The following MUC22 variants were observed in gnomAD, a reference collection of about 807,000 sequenced individuals.
MUC22 encodes mucin 22, also known as mucin-22.
MUC22 carries 24 observed loss-of-function variants against 40.3 expected under a neutral mutation model. The observed-to-expected ratio is 0.60, with a 90% CI of 0.43 to 0.84. The LOEUF is 0.84. MUC22 is among the 40% of genes least tolerant of loss of function. The pLI, the probability that MUC22 is intolerant of heterozygous loss-of-function variation, is 0.00. For synonymous variants in MUC22, 765 were observed against 844.5 expected, an observed-to-expected ratio of 0.91 and a Z score of 1.63; for missense variants, 1,926 against 2,130.7, an observed-to-expected ratio of 0.90 and a Z score of 1.89.
chr6:31,032,648 G>C lies in MUC22; in HGVS notation c.5055+67G>C. 6.9e-7 allele frequency: 1 copy of C among 1,457,926 alleles called. No individual in the cohort carries two copies. The highest frequency in any genetic ancestry group is 9.1e-7 in the Non-Finnish European group (1 of 1,103,988). 90.3% of individuals were successfully genotyped at this position (1,457,926 alleles called of 1,614,324 possible). A position where few individuals can be genotyped will look rare whatever the true frequency, so the allele number is the denominator to read the frequency against. ...GGCAGGGGGGAATCATGTCAGCAGT[G>C]CTTTGGAAAAATCCAGAATGAGAAA... On this transcript the variant is annotated intron_variant, in intron 3 of 3. Transcript: ENST00000561890. The surrounding 1 kb of genome is among the most constrained non-coding windows in gnomAD (Gnocchi z 4.1).
intron 2 of MUC22, 75 bp downstream of exon 2, chr6:31,030,175 T>G: frequency 7.1e-7 from 1 of 1,410,154 alleles, no homozygotes; most frequent in South Asian, 1.5e-5. Flanking sequence ...CACCTGTTTC[T>G]ATCATCTCTG....
intron 1 of MUC22, among the ~76,000 whole-genome samples, chr6:31,012,731 G>A (rs997754846): frequency 1.3e-5 from 2 of 152,100 alleles, no homozygotes; most frequent in Non-Finnish European, 2.9e-5. Flanking sequence ...AGTGTCTCCT[G>A]TAGCCCCATT....
intron 1 of MUC22, among the ~76,000 whole-genome samples, chr6:31,014,339 T>G (rs1015391056): frequency 6.6e-6 from 1 of 151,900 alleles, no homozygotes; most frequent in Non-Finnish European, 1.5e-5. Flanking sequence ...AGTTTCACTT[T>G]TTTCCCTTGA....
chr6:31,028,711 ACC>A lies in MUC22; in HGVS notation c.3281_3282del (p.Thr1094AsnfsTer7), dbSNP rs566486755. On this transcript the variant is annotated frameshift_variant, in exon 2 of 4. Coordinates refer to ENST00000561890, the Ensembl canonical transcript of MUC22. LOFTEE classifies it high-confidence loss of function. Reference sequence around the variant, plus strand: ...CCCAGCCTCTACAGCAGGCTCTGAGACCACCACCACCACCTCTACTGAAGGCT... The same window carrying A: ...CCCAGCCTCTACAGCAGGCTCTGAGAACCACCACCACCTCTACTGAAGGCT... The A allele has an allele frequency of 2.9e-4, 403 of 1,405,586 alleles. 32 individuals are homozygous for A. In the East Asian group the frequency reaches 0.016, roughly 57 times the overall value. 87.1% of individuals were successfully genotyped at this position (1,405,586 alleles called of 1,614,324 possible). A position where few individuals can be genotyped will look rare whatever the true frequency, so the allele number is the denominator to read the frequency against.
intron 1 of MUC22, among the ~76,000 whole-genome samples, chr6:31,015,167 T>C (rs1466386906): frequency 6.6e-6 from 1 of 152,142 alleles, no homozygotes; most frequent in Non-Finnish European, 1.5e-5. Flanking sequence ...TCCTGGAGTA[T>C]ATGGGCCAGA....
At chr6:31,034,605 C>A in intron 3 of MUC22, 67 bp from the exon 4 acceptor site, 1 of 1,319,540 alleles carries the variant, frequency 7.6e-7, no homozygotes, top group Non-Finnish European at 1.0e-6. Flanking sequence ...GTGAAACAGG[C>A]ATGTATGGTG....
chr6:31,025,111 C>T (rs368222119), intron 1 of MUC22, among the ~76,000 whole-genome samples: 21,774 of 151,604 alleles, frequency 0.14, 1,717 homozygotes, highest in African/African-American at 0.19. Context: ...TCAGGTGATC[C>T]GCCTGGGATT....
At chr6:31,021,091 G>C (rs114226278) in intron 1 of MUC22, among the ~76,000 whole-genome samples, 1,772 of 152,372 alleles carry the variant, frequency 0.012, 32 homozygotes, top group African/African-American at 0.038. Flanking sequence ...GACCGCCCAC[G>C]GGCTGAGGAC....
intron 1 of MUC22, among the ~76,000 whole-genome samples, chr6:31,022,378 G>A (rs1382071896): frequency 6.6e-6 from 1 of 151,982 alleles, no homozygotes; most frequent in African/African-American, 2.4e-5. Context: ...TGGTTAGGCT[G>A]GTATCGAACT....
At chr6:31,025,858 A>T (rs78457009) in exon 2 of MUC22, 5 of 1,535,100 alleles carry the variant, frequency 3.3e-6, no homozygotes, top group Non-Finnish European at 4.4e-6. Flanking sequence ...AACCTTTACT[A>T]TAGCCTCCAC....
Position 31,026,692 on chromosome 6 carries a change from A to G in MUC22, c.1261A>G (p.Thr421Ala), listed in dbSNP as rs906676994. ...AGATTCTGAGACCACTGCAGCCTCT[A>G]CCACAGGCTCTGAGATGACCACAGT... Residue 421 changes from threonine to alanine, a missense_variant, in exon 2 of 4, where the codon ACC (threonine) becomes GCC (alanine). Transcript: ENST00000561890. The G allele has an allele frequency of 6.0e-5, 90 of 1,505,396 alleles. 7 individuals carry two copies. In the African/African-American group the frequency reaches 9.9e-4, roughly 17 times the overall value. 93.3% of individuals were successfully genotyped at this position (1,505,396 alleles called of 1,614,324 possible). A position where few individuals can be genotyped will look rare whatever the true frequency, so the allele number is the denominator to read the frequency against.
At chr6:31,029,715 C>A (rs2150804466) in exon 2 of MUC22, 1 of 1,534,094 alleles carries the variant, frequency 6.5e-7, no homozygotes. Flanking sequence ...CCACCACCAC[C>A]TCTACTGAAG....
chr6:31,027,319 A>ACCACTGT lies in MUC22; in HGVS notation c.1889_1890insCACTGTC (p.Glu631ThrfsTer3). 6.5e-7 allele frequency: 1 copy of ACCACTGT among 1,530,758 alleles called. No homozygotes were observed. Among genetic ancestry groups the ACCACTGT allele is most frequent in the Non-Finnish European group, 8.7e-7 (1 of 1,146,124 alleles). 94.8% of individuals were successfully genotyped at this position (1,530,758 alleles called of 1,614,324 possible). A position where few individuals can be genotyped will look rare whatever the true frequency, so the allele number is the denominator to read the frequency against. On this transcript the variant is annotated frameshift_variant, in exon 2 of 4. Coordinates refer to ENST00000561890, the Ensembl canonical transcript of MUC22. LOFTEE classifies it high-confidence loss of function. ...AGGCTCTGAGACCACCACAGCCTCT[A>ACCACTGT]CTGAAGGCTCTGAGACCACCACAGC...
exon 2 of MUC22, chr6:31,025,789 G>A: frequency 6.5e-7 from 1 of 1,532,698 alleles, no homozygotes; most frequent in Non-Finnish European, 8.7e-7. Context: ...CACAACCACA[G>A]GCTCCACTGC....
At chr6:31,025,959 C>T (rs1384172789) in exon 2 of MUC22, 1 of 1,534,952 alleles carries the variant, frequency 6.5e-7, no homozygotes, top group East Asian at 2.4e-5. Context: ...CTGAGACCAC[C>T]ATGGCCTCCA....
chr6:31,025,887 C>A (rs752336029), exon 2 of MUC22: 1 of 1,535,294 alleles, frequency 6.5e-7, no homozygotes, highest in South Asian at 1.2e-5. Flanking sequence ...CTGAGACTAC[C>A]ATGGCCTCCA....
upstream of MUC22, among the ~76,000 whole-genome samples, chr6:31,006,884 C>A (rs184696172): frequency 4.4e-3 from 666 of 152,174 alleles, 19 homozygotes; most frequent in South Asian, 0.066. Flanking sequence ...TGCAGTGGCT[C>A]ACGTCTGTAA....
rs371674951 is a variant in MUC22, at chr6:31,011,846, A to AT, written c.70+1071dup. Among the ~76,000 whole-genome samples the AT allele has an allele frequency of 5.9e-3, 894 of 152,290 alleles. 11 individuals carry two copies. The highest frequency in any genetic ancestry group is 0.02 in the African/African-American group (822 of 41,554). ...CCCTGATCACTGCATCTACGCCAAC[A>AT]TCTACTGTTTTTTGATTTTTTGCTT... On this transcript the variant is annotated intron_variant, in intron 1 of 3. Transcript: ENST00000561890. The surrounding 1 kb of genome is among the most constrained non-coding windows in gnomAD (Gnocchi z 4.5).
exon 2 of MUC22, chr6:31,029,813 C>T (rs1765903617): frequency 6.5e-7 from 1 of 1,529,772 alleles, no homozygotes; most frequent in Non-Finnish European, 8.7e-7. Context: ...GCCTCCACTT[C>T]AGGCTCTGAG....
Sources: gnomAD v4.1 joint callset for allele counts (sites outside exome capture counted in the v4.1 genomes callset) on GRCh38, gnomAD v4.1.1 for gene constraint, Gnocchi (gnomAD v3.1) non-coding constraint, MANE v1.5 for transcripts, NCBI Gene and HGNC (gene_info 2026-07-23, HGNC 2026-07-21) for gene names.